GPR149: variants seen among roughly 807,000 people sequenced by gnomAD.
GPR149 encodes probable G protein-coupled receptor 149.
Under a neutral mutation model 50.2 loss-of-function variants are expected in GPR149, and 50 were observed. The observed-to-expected ratio is 1.00, with a 90% CI of 0.79 to 1.26. The LOEUF is 1.26. GPR149 is among the 50% of genes most tolerant of loss of function. GPR149 has a pLI of 0.00. For missense variants in GPR149, 983 were observed against 895.4 expected (o/e 1.10, Z -1.25); for synonymous variants, 405 against 358.2 (o/e 1.13, Z -1.48).
At chr3:154,425,298 G>A (rs1460702216) in intron 2 of GPR149, among the ~76,000 whole-genome samples, 1 of 151,924 alleles carries the variant, frequency 6.6e-6, no homozygotes, top group Admixed American at 6.6e-5. Context: ...TGCTTCTGAA[G>A]TTCACTGACT....
At chr3:154,414,627 A>T (rs1711936205) in intron 3 of GPR149, among the ~76,000 whole-genome samples, 1 of 152,022 alleles carries the variant, frequency 6.6e-6, no homozygotes, top group African/African-American at 2.4e-5. Flanking sequence ...TTATGAAGGG[A>T]TCAAAGTTCA....
At chr3:154,358,175 T>G (rs1178516123) in intron 3 of GPR149, among the ~76,000 whole-genome samples, 4 of 152,108 alleles carry the variant, frequency 2.6e-5, no homozygotes, top group African/African-American at 4.8e-5. Context: ...AGCATTAGGA[T>G]ATATACCTAA....
chr3:154,401,458 G>A (rs1711547797), intron 3 of GPR149, among the ~76,000 whole-genome samples: 1 of 152,182 alleles, frequency 6.6e-6, no homozygotes, highest in African/African-American at 2.4e-5. Flanking sequence ...TCATCTCACA[G>A]AGAGTACAGG....
chr3:154,386,908 C>T (rs1193734733), intron 3 of GPR149, among the ~76,000 whole-genome samples: 2 of 152,072 alleles, frequency 1.3e-5, no homozygotes, highest in African/African-American at 4.8e-5. Context: ...GTATTTCCCT[C>T]CTATTCAACT....
intron 3 of GPR149, chr3:154,352,482 A>C (rs866032574): frequency 2.6e-6 from 2 of 780,914 alleles, no homozygotes. Context: ...CAGGAGGCAC[A>C]CACTGGTAAT....
chr3:154,339,609 G>A lies in GPR149; in HGVS notation c.1624-1338C>T, dbSNP rs77992038. 2.9e-3 allele frequency among the ~76,000 whole-genome samples: 446 copies of A among 152,102 alleles called. 3 individuals carry two copies. The highest frequency in any genetic ancestry group is 0.01 in the African/African-American group (435 of 41,488). ...TTAGTTAGACAAATGGGCAGGAGTC[G>A]GGGCAGTGGGAGATTGATCACCCTA... is the stretch of plus-strand genomic sequence containing the variant. On this transcript the variant is annotated intron_variant, in intron 3 of 3. Coordinates refer to ENST00000389740, the MANE Select transcript of GPR149 (RefSeq NM_001038705.3).
At chr3:154,371,372 T>C (rs1437924857) in intron 3 of GPR149, among the ~76,000 whole-genome samples, 1 of 152,132 alleles carries the variant, frequency 6.6e-6, no homozygotes, top group Non-Finnish European at 1.5e-5. Context: ...CCCATGTCCA[T>C]ATATACTGAA....
Position 154,428,866 on chromosome 3 carries a change from G to A in GPR149, c.750C>T (p.Ser250=), listed in dbSNP as rs753992837. 1 of 1,613,924 alleles carries A rather than the reference G, an allele frequency of 6.2e-7. No homozygotes were observed. The highest frequency in any genetic ancestry group is 8.5e-7 in the Non-Finnish European group (1 of 1,179,930). ...GTPPTAGRVV[S]LSPEDAPGPS... is the part of the protein sequence containing the mutation. ...GGCCTGGAGCATCCTCTGGGGACAG[G>A]GAAACCACTCTCCCCGCAGTAGGAG... Residue 250 remains serine (S), a synonymous_variant, in exon 1 of 4, where the codon TCC becomes TCT. Transcript: ENST00000389740.
chr3:154,420,311 A>C (rs544021448), intron 3 of GPR149, among the ~76,000 whole-genome samples: 1 of 152,120 alleles, frequency 6.6e-6, no homozygotes, highest in East Asian at 1.9e-4. Flanking sequence ...TTGGGGAAAG[A>C]AAAAATCTCA....
In GPR149 at chr3:154,428,623, C is replaced by A. The variant is rs774930727; in HGVS notation, c.981+12G>T. The A allele has an allele frequency of 6.2e-7, 1 of 1,606,236 alleles. No individual in the cohort carries two copies. Among genetic ancestry groups the A allele is most frequent in the South Asian group, 1.1e-5 (1 of 90,290 alleles). The stretch of plus-strand genomic sequence containing the variant: ...ACACACACTCGCGCTTTGTGAGCAA[C>A]TGCACTTTTACCATCATGGGCAGCC... On this transcript the variant is annotated intron_variant, in intron 1 of 3. Transcript: ENST00000389740.
intron 3 of GPR149, among the ~76,000 whole-genome samples, chr3:154,383,959 CT>C (rs1714993514): frequency 6.6e-6 from 1 of 152,116 alleles, no homozygotes; most frequent in Non-Finnish European, 1.5e-5. Flanking sequence ...GTGCCTTGAT[CT>C]TGGACTTTCC....
At chr3:154,353,504 G>A (rs1448511864) in intron 3 of GPR149, 1 of 890,134 alleles carries the variant, frequency 1.1e-6, no homozygotes, top group Non-Finnish European at 1.9e-6. Flanking sequence ...GATCCAATCA[G>A]CCACTCTGCA....
At chr3:154,346,709 C>T (rs1178733380) in intron 3 of GPR149, among the ~76,000 whole-genome samples, 4 of 151,820 alleles carry the variant, frequency 2.6e-5, no homozygotes, top group Admixed American at 2.0e-4. Context: ...GATTCTCATG[C>T]CTCAGCCTCC....
chr3:154,372,317 T>C (rs1406500759), intron 3 of GPR149, among the ~76,000 whole-genome samples: 1 of 152,202 alleles, frequency 6.6e-6, no homozygotes, highest in Non-Finnish European at 1.5e-5. Context: ...CCAAGAAAGC[T>C]ATTAACAGTG....
intron 3 of GPR149, among the ~76,000 whole-genome samples, chr3:154,406,300 T>C (rs1404415732): frequency 6.6e-6 from 1 of 152,198 alleles, no homozygotes; most frequent in Admixed American, 6.5e-5. Context: ...AAAAAGATCC[T>C]CTTTCACACA....
At chr3:154,338,548 G>A (rs1713711931) in intron 3 of GPR149, among the ~76,000 whole-genome samples, 1 of 152,164 alleles carries the variant, frequency 6.6e-6, no homozygotes, top group Non-Finnish European at 1.5e-5. Flanking sequence ...GTACTGATGG[G>A]AAGCAATAGA....
chr3:154,423,852 T>A (rs1384926028), intron 2 of GPR149, among the ~76,000 whole-genome samples: 2 of 151,686 alleles, frequency 1.3e-5, no homozygotes, highest in East Asian at 1.9e-4. Context: ...TATTATTATT[T>A]TTTATTATTA....
chr3:154,351,690 A>G (rs990357635), intron 3 of GPR149, among the ~76,000 whole-genome samples: 1 of 152,156 alleles, frequency 6.6e-6, no homozygotes, highest in African/African-American at 2.4e-5. Context: ...AAAGACAGAC[A>G]ATCTGTTTGG....
At chr3:154,391,555 G>A (rs1715169103) in intron 3 of GPR149, among the ~76,000 whole-genome samples, 1 of 139,452 alleles carries the variant, frequency 7.2e-6, no homozygotes, top group African/African-American at 2.6e-5. Flanking sequence ...CTACAAGGTA[G>A]TAAAAAAACA....
Sources: allele counts gnomAD v4.1 joint callset (sites outside exome capture counted in the v4.1 genomes callset), GRCh38; gene constraint gnomAD v4.1.1; transcripts MANE v1.5; gene names NCBI Gene and HGNC (gene_info 2026-07-23, HGNC 2026-07-21).